The following ASTN2 variants were observed in gnomAD, a reference collection of about 807,000 sequenced individuals.
ASTN2 encodes astrotactin-2.
In ASTN2, 54 loss-of-function variants were observed where a neutral mutation model predicts 139.8. The observed-to-expected ratio is 0.39, with a 90% CI of 0.31 to 0.48. The LOEUF (loss-of-function observed/expected upper bound fraction) is 0.48. Among genes scored for constraint, ASTN2 ranks in the 20% least tolerant of loss-of-function variants. ASTN2 has a pLI of 0.95. For synonymous variants in ASTN2, 756 were observed against 719.5 expected (o/e 1.05, Z -0.81); for missense variants, 1,565 against 1,725.1 (o/e 0.91, Z 1.64).
At chr9:117,371,826 A>C (rs1829999091) in intron 1 of ASTN2, among the ~76,000 whole-genome samples, 4 of 152,130 alleles carry the variant, frequency 2.6e-5, no homozygotes, top group African/African-American at 9.7e-5. Flanking sequence ...CATTCTACAG[A>C]GGAAATAACT....
chr9:116,973,267 T>C (rs1282683097), intron 10 of ASTN2, among the ~76,000 whole-genome samples: 1 of 152,226 alleles, frequency 6.6e-6, no homozygotes, highest in African/African-American at 2.4e-5. Context: ...ATTAGTGAAG[T>C]ATTCGGCACT....
chr9:117,064,792 A>C (rs1026395781), intron 5 of ASTN2, among the ~76,000 whole-genome samples: 20 of 135,634 alleles, frequency 1.5e-4, no homozygotes, highest in Non-Finnish European at 3.2e-4. Flanking sequence ...CCCTAGATCT[A>C]TATACTTAAA....
intron 16 of ASTN2, among the ~76,000 whole-genome samples, chr9:116,712,354 A>G (rs1263846942): frequency 6.6e-6 from 1 of 152,144 alleles, no homozygotes; most frequent in Non-Finnish European, 1.5e-5. Context: ...TACATATTTC[A>G]TGGTGATTTT....
At chr9:117,075,433 C>T (rs1828253451) in intron 5 of ASTN2, among the ~76,000 whole-genome samples, 1 of 144,068 alleles carries the variant, frequency 6.9e-6, no homozygotes, top group African/African-American at 2.5e-5. Flanking sequence ...CAAGAAGGCT[C>T]ATGAATCCTG....
chr9:117,348,987 T>C (rs1427021048), intron 1 of ASTN2, among the ~76,000 whole-genome samples: 1 of 151,926 alleles, frequency 6.6e-6, no homozygotes, highest in Non-Finnish European at 1.5e-5. Flanking sequence ...TGGAGGAAAG[T>C]CAAAACAATT....
rs147901303 is a variant in ASTN2, at chr9:116,978,470, A to ATCTCTC, written c.1592-1691_1592-1686dup. Among the ~76,000 whole-genome samples the ATCTCTC allele has an allele frequency of 2.8e-3, 399 of 141,840 alleles. 3 individuals are homozygous for ATCTCTC. The highest frequency in any genetic ancestry group is 8.2e-3 in the African/African-American group (314 of 38,102). The allele number at this position is 141,840 out of a possible 152,430, so 93.1% of individuals were successfully genotyped here. A position where few individuals can be genotyped will look rare whatever the true frequency, so the allele number is the denominator to read the frequency against. ...TCTCTCTGTATCTCTCTCTGTATGT[A>ATCTCTC]TCTCTCTCTCTCTCTCTCTCTCACG... On this transcript the variant is annotated intron_variant, in intron 7 of 22. Transcript: ENST00000313400.
At chr9:117,179,767 A>T (rs1831010324) in intron 3 of ASTN2, among the ~76,000 whole-genome samples, 1 of 152,126 alleles carries the variant, frequency 6.6e-6, no homozygotes, top group East Asian at 1.9e-4. Flanking sequence ...GAAAGACCCC[A>T]CTGCAGATCT....
chr9:117,317,285 C>T (rs1188615032), intron 1 of ASTN2, among the ~76,000 whole-genome samples: 1 of 152,168 alleles, frequency 6.6e-6, no homozygotes, highest in Non-Finnish European at 1.5e-5. Flanking sequence ...ATGCCTCTGC[C>T]TCCTTCCGTG....
chr9:116,743,835 C>T (rs990620923), intron 13 of ASTN2, among the ~76,000 whole-genome samples: 19 of 152,150 alleles, frequency 1.2e-4, no homozygotes. Flanking sequence ...GGAATGAAAA[C>T]TTGAGAGAAT....
intron 10 of ASTN2, among the ~76,000 whole-genome samples, chr9:116,883,978 G>A (rs1169107513): frequency 6.6e-6 from 1 of 152,204 alleles, no homozygotes. Context: ...AGGGATGCTA[G>A]TCTTGTGGCA....
chr9:116,978,695 A>G (rs1218681319), intron 7 of ASTN2, among the ~76,000 whole-genome samples: 1 of 152,184 alleles, frequency 6.6e-6, no homozygotes, highest in Non-Finnish European at 1.5e-5. Context: ...TAAAAATATA[A>G]AAACAAGAAT....
At chr9:117,060,752 G>A (rs1384362796) in intron 5 of ASTN2, among the ~76,000 whole-genome samples, 1 of 151,646 alleles carries the variant, frequency 6.6e-6, no homozygotes, top group East Asian at 2.0e-4. Context: ...AAAATTAGCC[G>A]GGTGTGATGG....
At chr9:116,529,725 T>C (rs1003493655) in intron 19 of ASTN2, among the ~76,000 whole-genome samples, 10 of 151,998 alleles carry the variant, frequency 6.6e-5, no homozygotes, top group African/African-American at 2.4e-4. Flanking sequence ...GTTCTCATGA[T>C]AGTGAGTGAG....
chr9:116,445,832 T>C (rs2118896680), intron 20 of ASTN2, among the ~76,000 whole-genome samples: 1 of 152,346 alleles, frequency 6.6e-6, no homozygotes, highest in East Asian at 1.9e-4. Flanking sequence ...AGGTAGCTTC[T>C]ATTTTTGTTA....
At chr9:116,779,981 G>A (rs777813418) in intron 13 of ASTN2, among the ~76,000 whole-genome samples, 2 of 152,020 alleles carry the variant, frequency 1.3e-5, no homozygotes, top group Non-Finnish European at 2.9e-5. Flanking sequence ...GTATCAATCT[G>A]CTGAGTAGTT....
chr9:117,065,569 T>G (rs117836248), intron 5 of ASTN2, among the ~76,000 whole-genome samples: 1 of 152,152 alleles, frequency 6.6e-6, no homozygotes, highest in African/African-American at 2.4e-5. Context: ...GAATTTAGAG[T>G]TTGCCTGGAG....
intron 10 of ASTN2, among the ~76,000 whole-genome samples, chr9:116,896,118 G>A (rs745541546): frequency 4.6e-5 from 7 of 152,160 alleles, no homozygotes; most frequent in Non-Finnish European, 8.8e-5. Context: ...ACAGAACCTG[G>A]AATATAGATG....
chr9:116,677,428 TG>T (rs1418435410), intron 16 of ASTN2, among the ~76,000 whole-genome samples: 6 of 152,178 alleles, frequency 3.9e-5, no homozygotes, highest in Admixed American at 1.3e-4. Context: ...GTTTTGAGTT[TG>T]GGGGTATCAG....
chr9:117,038,178 G>A (rs1177014817), intron 6 of ASTN2, among the ~76,000 whole-genome samples: 1 of 151,636 alleles, frequency 6.6e-6, no homozygotes, highest in Non-Finnish European at 1.5e-5. Context: ...ACTTTTCTCT[G>A]GTCAAAATAT....
Sources: gnomAD v4.1 joint callset for allele counts (sites outside exome capture counted in the v4.1 genomes callset) on GRCh38, gnomAD v4.1.1 for gene constraint, MANE v1.5 for transcripts, NCBI Gene and HGNC (gene_info 2026-07-23, HGNC 2026-07-21) for gene names.